The following SLC2A10 variants were observed in gnomAD, a reference collection of about 807,000 sequenced individuals.
SLC2A10 encodes the protein solute carrier family 2, facilitated glucose transporter member 10.
A neutral mutation model predicts 32.1 loss-of-function variants in SLC2A10; 25 were observed. The ratio of observed to expected loss-of-function variants is 0.78; its 90% CI spans 0.57 to 1.09. The LOEUF (loss-of-function observed/expected upper bound fraction) is 1.09. Among genes scored for constraint, SLC2A10 ranks in the 50% least tolerant of loss-of-function variants. The pLI is 0.00. For missense variants in SLC2A10, 673 were observed against 686.5 expected (o/e 0.98, Z 0.22); for synonymous variants, 332 against 309.6 (o/e 1.07, Z -0.76).
At chr20:46,723,347 T>C (rs1979666227) in intron 1 of SLC2A10, among the ~76,000 whole-genome samples, 1 of 152,000 alleles carries the variant, frequency 6.6e-6, no homozygotes, top group Non-Finnish European at 1.5e-5. Flanking sequence ...TTTTTCAATG[T>C]CCCACCAAAA....
rs1025231971 is a variant in SLC2A10 at position 46,729,676 on chromosome 20, C to T, written c.1547+188C>T. On this transcript the variant is annotated intron_variant, in intron 4 of 4. Coordinates refer to ENST00000359271, the MANE Select transcript of SLC2A10 (RefSeq NM_030777.4). ...TTTTTTTTTGAGATGGAGTCTCGCTCTGTTGCCCAGGCTGGAGTGCAGTGG... is the reference window on the plus strand; with the variant it reads ...TTTTTTTTTGAGATGGAGTCTCGCTTTGTTGCCCAGGCTGGAGTGCAGTGG... 4.1e-4 allele frequency among the ~76,000 whole-genome samples: 47 copies of T among 114,884 alleles called. 1 individual carries two copies. In the Admixed American group the frequency reaches 4.7e-3, roughly 11 times the overall value. The allele number at this position is 114,884 out of a possible 152,430, so 75.4% of individuals were successfully genotyped here.
intron 1 of SLC2A10, among the ~76,000 whole-genome samples, chr20:46,719,463 TGGTGGAA>T (rs983347774): frequency 2.0e-5 from 3 of 152,170 alleles, no homozygotes; most frequent in Non-Finnish European, 2.9e-5. Context: ...CTCAAAATCA[TGGTGGAA>T]GGTGAAAGGC....
chr20:46,726,208 T>A lies in SLC2A10; in HGVS notation c.1172T>A (p.Leu391Gln), dbSNP rs1979940729. The change falls in exon 2 of 5, where the codon CTG (leucine) becomes CAG (glutamine). Residue 391 changes from leucine (L) to glutamine (Q), a missense_variant. Physicochemically the swap from Leu to Gln is moderately radical, Grantham distance 113. Coordinates refer to ENST00000359271, the MANE Select transcript of SLC2A10 (RefSeq NM_030777.4). ...CCCTCAGCCCCTCCTCGGCTGGCCC[T>A]GAGCTCTGCCCTCCCTGGGCCCCCT... ...GDPSAPPRLA[L>Q]SSALPGPPLP... is the part of the protein sequence containing the mutation. 6.2e-7 allele frequency: 1 copy of A among 1,614,146 alleles called. No homozygotes were observed. Among genetic ancestry groups the A allele is most frequent in the Non-Finnish European group, 8.5e-7 (1 of 1,180,042 alleles).
At chr20:46,726,406 C>A (rs1054519585) in intron 2 of SLC2A10, 82 bp downstream of exon 2, 6 of 1,549,468 alleles carry the variant, frequency 3.9e-6, no homozygotes, top group Non-Finnish European at 5.2e-6. Flanking sequence ...ACCCTGATGA[C>A]CTGGCAGGGT....
At position 46,725,140 on chromosome 20, in the gene SLC2A10, C is replaced by T. The variant is rs758877524; in HGVS notation, c.104C>T (p.Pro35Leu). ...ELAVISGALL[P>L]LQLDFGLSCL... ...GCAGTCATATCAGGTGCCCTGCTGC[C>T]ACTGCAGCTTGACTTTGGGCTAAGC... The change falls in exon 2 of 5, where the codon CCA (proline) becomes CTA (leucine). Residue 35 changes from proline to leucine, a missense_variant. Physicochemically the swap from Pro to Leu is moderately conservative, Grantham distance 98. Coordinates refer to ENST00000359271, the MANE Select transcript of SLC2A10 (RefSeq NM_030777.4). 6.2e-7 allele frequency: 1 copy of T among 1,614,236 alleles called. No homozygotes were observed. The highest frequency in any genetic ancestry group is 8.5e-7 in the Non-Finnish European group (1 of 1,180,046).
intron 1 of SLC2A10, among the ~76,000 whole-genome samples, chr20:46,721,093 A>G (rs1979526013): frequency 6.6e-6 from 1 of 152,198 alleles, no homozygotes; most frequent in Admixed American, 6.5e-5. Flanking sequence ...GGGCTCCCCA[A>G]AAAAACATAA....
intron 1 of SLC2A10, among the ~76,000 whole-genome samples, chr20:46,715,438 G>T (rs1195031964): frequency 1.3e-5 from 2 of 152,154 alleles, no homozygotes; most frequent in African/African-American, 4.8e-5. Context: ...GGCCTGGAAG[G>T]ACCTTGCTTT....
At chr20:46,729,625 G>GTTTTTTTTTTTTTTT (rs68037732) in intron 4 of SLC2A10, 137 bp downstream of exon 4, 1 of 257,232 alleles carries the variant, frequency 3.9e-6, no homozygotes, top group Non-Finnish European at 6.5e-6. Flanking sequence ...GGCACTATGA[G>GTTTTTTTTTTTTTTT]TTTTTTTTTT....
chr20:46,727,101 A>C (rs1696368577), intron 3 of SLC2A10, 115 bp downstream of exon 3: 13 of 1,347,782 alleles, frequency 9.6e-6, no homozygotes, highest in Non-Finnish European at 1.4e-5. Flanking sequence ...TCTGTGCAGA[A>C]ACATCATCAA....
chr20:46,727,408 C>T (rs532344707), intron 3 of SLC2A10, among the ~76,000 whole-genome samples: 121 of 152,288 alleles, frequency 7.9e-4, no homozygotes, highest in African/African-American at 2.8e-3. Context: ...GCAACCTCCA[C>T]CTCCCGGGTT....
At position 46,725,283 on chromosome 20, in the gene SLC2A10, T is replaced by C; in HGVS notation, c.247T>C (p.Leu83=). ...GRKQAILGSN[L]VLLAGSLTLG... ...GAAGCAAGCCATCCTCGGGAGCAACTTGGTGCTGCTGGCAGGCAGCCTGAC... is the reference window on the plus strand; with the variant it reads ...GAAGCAAGCCATCCTCGGGAGCAACCTGGTGCTGCTGGCAGGCAGCCTGAC... The change falls in exon 2 of 5, where the codon TTG becomes CTG. Residue 83 remains leucine, a synonymous_variant. Transcript: ENST00000359271. 3 of 1,614,174 alleles carry C rather than the reference T, an allele frequency of 1.9e-6. No individual in the cohort carries two copies. Among genetic ancestry groups the C allele is most frequent in the Non-Finnish European group, 2.5e-6 (3 of 1,180,036 alleles).
In SLC2A10 at chr20:46,726,052, C is replaced by T. The variant is rs1213099627; in HGVS notation, c.1016C>T (p.Thr339Ile). ...CLAVPNATGQTGLPGDSGLLQ... is the reference protein window; with the variant it reads ...CLAVPNATGQIGLPGDSGLLQ... Reference sequence around the variant, plus strand: ...GCTGTGCCCAATGCCACCGGGCAGACAGGCCTCCCTGGAGACTCTGGCCTG... The same window carrying T: ...GCTGTGCCCAATGCCACCGGGCAGATAGGCCTCCCTGGAGACTCTGGCCTG... The change falls in exon 2 of 5, where the codon ACA becomes ATA. Residue 339 changes from threonine to isoleucine, a missense_variant. Thr to Ile is a moderately conservative substitution (Grantham distance 89). Coordinates refer to ENST00000359271, the MANE Select transcript of SLC2A10 (RefSeq NM_030777.4). 6.2e-7 allele frequency: 1 copy of T among 1,614,158 alleles called. No homozygotes were observed. Among genetic ancestry groups the T allele is most frequent in the Non-Finnish European group, 8.5e-7 (1 of 1,180,044 alleles).
At chr20:46,724,282 C>T (rs8116529) in intron 1 of SLC2A10, among the ~76,000 whole-genome samples, 2,522 of 152,310 alleles carry the variant, frequency 0.017, 62 homozygotes, top group African/African-American at 0.048. Flanking sequence ...CCTAAGAGCA[C>T]TTCCTGGCAT....
chr20:46,718,033 G>A (rs1347866294), intron 1 of SLC2A10, among the ~76,000 whole-genome samples: 3 of 151,982 alleles, frequency 2.0e-5, no homozygotes, highest in African/African-American at 7.2e-5. Flanking sequence ...ACCAGCCTGG[G>A]CAATGTAGTG....
intron 2 of SLC2A10, 74 bp downstream of exon 2, chr20:46,726,398 C>T (rs751071748): frequency 3.8e-5 from 60 of 1,562,110 alleles, no homozygotes; most frequent in Non-Finnish European, 5.2e-5. Flanking sequence ...GACTTCCCAC[C>T]CTGATGACCT....
Position 46,725,462 on chromosome 20 carries a change from C to T in SLC2A10, c.426C>T (p.Gly142=), listed in dbSNP as rs777233682. 6.2e-7 allele frequency: 1 copy of T among 1,614,150 alleles called. No individual in the cohort carries two copies. Among genetic ancestry groups the T allele is most frequent in the South Asian group, 1.1e-5 (1 of 91,082 alleles). ...TGCTGGTGTCCCTCTATGAGGCAGG[C>T]ATCACCGTGGGCATCCTGCTCTCCT... ...RGVLVSLYEA[G]ITVGILLSYA... Residue 142 remains glycine, a synonymous_variant, in exon 2 of 5, where the codon GGC becomes GGT. Coordinates refer to ENST00000359271, the MANE Select transcript of SLC2A10 (RefSeq NM_030777.4).
At chr20:46,726,372 T>C (rs1568986885) in intron 2 of SLC2A10, 48 bp downstream of exon 2, 2 of 1,591,426 alleles carry the variant, frequency 1.3e-6, no homozygotes, top group East Asian at 4.5e-5. Flanking sequence ...CTACCCCTCC[T>C]AGGGGGAAGT....
Position 46,729,345 on chromosome 20 carries a change from G to C in SLC2A10, c.1412-8G>C. ...CCTGGGCCTACACTCCCGCCCTCCT[G>C]TTTCCAGGCACCATCGGCTTGTCCT... On this transcript the variant is annotated splice_polypyrimidine_tract_variant and splice_region_variant and intron_variant, in intron 3 of 4. Transcript: ENST00000359271. The C allele has an allele frequency of 6.2e-7, 1 of 1,613,376 alleles. No individual in the cohort carries two copies. The highest frequency in any genetic ancestry group is 8.5e-7 in the Non-Finnish European group (1 of 1,179,906).
intron 1 of SLC2A10, among the ~76,000 whole-genome samples, chr20:46,717,048 C>T (rs1441368371): frequency 6.6e-6 from 1 of 152,140 alleles, no homozygotes; most frequent in African/African-American, 2.4e-5. Context: ...TTATTTCCTG[C>T]ATCCCGTTAG....
Sources: allele counts gnomAD v4.1 joint callset (sites outside exome capture counted in the v4.1 genomes callset), GRCh38; gene constraint gnomAD v4.1.1; transcripts MANE v1.5; gene names NCBI Gene and HGNC (gene_info 2026-07-23, HGNC 2026-07-21).